The following SFMBT2 variants were observed in gnomAD, a reference collection of about 807,000 sequenced individuals.
SFMBT2 encodes Scm like with four mbt domains 2.
SFMBT2 carries 38 observed loss-of-function variants against 110.1 expected under a neutral mutation model. The ratio of observed to expected loss-of-function variants is 0.35; its 90% CI spans 0.27 to 0.45. The LOEUF (loss-of-function observed/expected upper bound fraction) is 0.45, where lower values mean the gene tolerates loss of function less well. SFMBT2 is among the 20% of genes least tolerant of loss of function. The pLI is 1.00. For synonymous variants in SFMBT2, 425 were observed against 425.4 expected, an observed-to-expected ratio of 1.00 and a Z score of 0.01; for missense variants, 1,011 against 1,094.9, an observed-to-expected ratio of 0.92 and a Z score of 1.08.
intron 1 of SFMBT2, among the ~76,000 whole-genome samples, chr10:7,394,274 T>C (rs1166287666): frequency 2.6e-5 from 4 of 152,108 alleles, no homozygotes; most frequent in Non-Finnish European, 2.9e-5. Flanking sequence ...TACATCTGCA[T>C]ATAATTTTGA....
At chr10:7,340,802 T>C (rs1843875203) in intron 4 of SFMBT2, among the ~76,000 whole-genome samples, 1 of 137,750 alleles carries the variant, frequency 7.3e-6, no homozygotes, top group Admixed American at 7.5e-5. Flanking sequence ...GTCCCAGCAG[T>C]CATTGACTTA....
At chr10:7,192,393 C>T (rs1478769444) in intron 15 of SFMBT2, among the ~76,000 whole-genome samples, 3 of 152,282 alleles carry the variant, frequency 2.0e-5, no homozygotes, top group Non-Finnish European at 2.9e-5. Flanking sequence ...ACGACTGCTT[C>T]GAAGAATGAA....
chr10:7,170,782 T>C lies in SFMBT2; in HGVS notation c.2544+146A>G, dbSNP rs1305756845. ...GCCAGGCAGCTCTCAGCAGGGGCCT[T>C]GGAGGGAGAAGGGTCTCGCACACCT... On this transcript the variant is annotated intron_variant, in intron 20 of 20. Transcript: ENST00000397167. The surrounding 1 kb of genome is among the most constrained non-coding windows in gnomAD (Gnocchi z 4.6). The C allele has an allele frequency of 1.1e-6, 1 of 887,214 alleles. No homozygotes were observed. Among genetic ancestry groups the C allele is most frequent in the African/African-American group, 1.7e-5 (1 of 60,552 alleles). 55.0% of individuals were successfully genotyped at this position (887,214 alleles called of 1,614,324 possible).
intron 17 of SFMBT2, among the ~76,000 whole-genome samples, chr10:7,175,610 C>T (rs961086996): frequency 1.3e-5 from 2 of 152,200 alleles, no homozygotes; most frequent in African/African-American, 2.4e-5. Flanking sequence ...ATTACACTAT[C>T]CCAGAGTAAG....
intron 4 of SFMBT2, among the ~76,000 whole-genome samples, chr10:7,311,119 T>G (rs1842845509): frequency 7.3e-6 from 1 of 136,182 alleles, no homozygotes; most frequent in Admixed American, 7.8e-5. Flanking sequence ...GGGTTACAAT[T>G]ACAAAGTTTC....
intron 4 of SFMBT2, chr10:7,287,294 T>C (rs1471560248): frequency 6.3e-6 from 1 of 159,528 alleles, no homozygotes; most frequent in African/African-American, 2.4e-5. Flanking sequence ...TTAGCCAAGA[T>C]GGTCTCGATC....
chr10:7,267,500 T>C (rs1841432213), intron 7 of SFMBT2, among the ~76,000 whole-genome samples: 2 of 152,184 alleles, frequency 1.3e-5, no homozygotes, highest in African/African-American at 2.4e-5. Flanking sequence ...CAGGCTGAAG[T>C]GCAGTAGCAA....
At chr10:7,247,867 A>C (rs535434998) in intron 8 of SFMBT2, among the ~76,000 whole-genome samples, 15 of 152,234 alleles carry the variant, frequency 9.9e-5, no homozygotes, top group African/African-American at 3.4e-4. Context: ...TGGATATTAT[A>C]CTGGTTTTTA....
intron 12 of SFMBT2, chr10:7,205,008 T>C: frequency 4.0e-6 from 3 of 756,452 alleles, no homozygotes; most frequent in Non-Finnish European, 4.8e-6. Context: ...CAAAGGGACG[T>C]GTGGTAATAT....
chr10:7,370,474 A>G (rs1341239648), intron 2 of SFMBT2, 99 bp from the exon 3 acceptor site: 1 of 997,414 alleles, frequency 1.0e-6, no homozygotes, highest in Non-Finnish European at 1.6e-6. Context: ...ACAAGACACA[A>G]GCTAATTCCA....
intron 1 of SFMBT2, among the ~76,000 whole-genome samples, chr10:7,404,254 T>A (rs934033399): frequency 6.6e-6 from 1 of 152,242 alleles, no homozygotes; most frequent in African/African-American, 2.4e-5. Flanking sequence ...ATTTAAGTTA[T>A]ACCTAAAACA....
chr10:7,284,429 C>T, intron 5 of SFMBT2: 1 of 1,154,848 alleles, frequency 8.7e-7, no homozygotes, highest in Non-Finnish European at 1.1e-6. Context: ...ACAAATCACC[C>T]TTCCCAGATA....
In SFMBT2 at chr10:7,172,181, T is replaced by G; in HGVS notation, c.2152-23A>C. 6.5e-7 allele frequency: 1 copy of G among 1,528,644 alleles called. No individual in the cohort carries two copies. The highest frequency in any genetic ancestry group is 8.8e-7 in the Non-Finnish European group (1 of 1,137,012). 94.7% of individuals were successfully genotyped at this position (1,528,644 alleles called of 1,614,324 possible). ...TTCCTGGGAAGGAGGAAAAGGCATT[T>G]AAGGGGCTGGTGGCCCGGGGGCCTG... is the stretch of plus-strand genomic sequence containing the variant. On this transcript the variant is annotated intron_variant, in intron 18 of 20. Coordinates refer to ENST00000397167, the MANE Select transcript of SFMBT2 (RefSeq NM_001387889.1). This position sits in a 1 kb window ranked among gnomAD's most constrained non-coding sequence, Gnocchi z 4.6.
At chr10:7,220,321 C>T (rs1045315074) in intron 11 of SFMBT2, 90 bp downstream of exon 11, 2 of 1,050,374 alleles carry the variant, frequency 1.9e-6, no homozygotes, top group Non-Finnish European at 2.8e-6. Context: ...AGTAAGGCCC[C>T]TTCTGAGAAG....
chr10:7,167,807 A>T (rs1837735764), intron 20 of SFMBT2, among the ~76,000 whole-genome samples: 1 of 152,206 alleles, frequency 6.6e-6, no homozygotes, highest in African/African-American at 2.4e-5. Context: ...GATGATGATC[A>T]ATGAAAGTCT....
intron 4 of SFMBT2, chr10:7,329,420 A>G: frequency 1.0e-6 from 1 of 984,754 alleles, no homozygotes; most frequent in Non-Finnish European, 1.2e-6. Context: ...CACGGGTGCT[A>G]AAGACATCCC....
chr10:7,366,544 C>T (rs1844908911), intron 4 of SFMBT2, among the ~76,000 whole-genome samples: 1 of 152,106 alleles, frequency 6.6e-6, no homozygotes, highest in African/African-American at 2.4e-5. Context: ...GTTTATACGT[C>T]ACTTCAAGAT....
At chr10:7,256,782 T>C (rs2462709) in intron 7 of SFMBT2, among the ~76,000 whole-genome samples, 135,414 of 152,092 alleles carry the variant, frequency 0.89, 60,384 homozygotes, top group East Asian at 0.92. Flanking sequence ...TTTTAAACAC[T>C]ATGTGACAGG....
chr10:7,401,190 C>T (rs942286902), intron 1 of SFMBT2, among the ~76,000 whole-genome samples: 1 of 152,150 alleles, frequency 6.6e-6, no homozygotes, highest in Admixed American at 6.5e-5. Flanking sequence ...TGGTAAGTCT[C>T]TCAAGCACGC....
Sources: gnomAD v4.1 joint callset for allele counts (sites outside exome capture counted in the v4.1 genomes callset) on GRCh38, gnomAD v4.1.1 for gene constraint, Gnocchi (gnomAD v3.1) non-coding constraint, MANE v1.5 for transcripts, NCBI Gene and HGNC (gene_info 2026-07-23, HGNC 2026-07-21) for gene names.